Variants in SLC22A14 observed in about 807,000 individuals in gnomAD.
SLC22A14 encodes organic cation transporter-like 4.
SLC22A14 carries 50 observed loss-of-function variants against 53.9 expected under a neutral mutation model. That is an observed-to-expected ratio of 0.93 (90% confidence interval 0.74 to 1.17). The LOEUF is 1.17. Ranked by LOEUF, SLC22A14 falls within the 50% of genes most tolerant of loss-of-function variation. The pLI is 0.00. For synonymous variants in SLC22A14, 312 were observed against 303.0 expected (o/e 1.03, Z -0.31); for missense variants, 671 against 734.7 (o/e 0.91, Z 1.00).
chr3:38,313,143 G>A (rs1307138069), intron 6 of SLC22A14, 24 bp downstream of exon 6: 1 of 1,608,948 alleles, frequency 6.2e-7, no homozygotes, highest in Non-Finnish European at 8.5e-7. Flanking sequence ...GGCCAGGAGT[G>A]GGGCCGGAGC....
chr3:38,314,771 C>G (rs1194732576), intron 8 of SLC22A14, among the ~76,000 whole-genome samples: 1 of 151,766 alleles, frequency 6.6e-6, no homozygotes, highest in Non-Finnish European at 1.5e-5. Context: ...AATGTGGAAA[C>G]AAATTCATTA....
chr3:38,304,825 T>G lies in SLC22A14; in HGVS notation c.1-1202T>G, dbSNP rs961082590. ...GTTACATTTCCTGGATCTAAGAATTTGTTTTAAAAGTTTTAGAAAACGTAT... is the reference window on the plus strand; with the variant it reads ...GTTACATTTCCTGGATCTAAGAATTGGTTTTAAAAGTTTTAGAAAACGTAT... On this transcript the variant is annotated intron_variant, in intron 1 of 10. Coordinates refer to ENST00000448498, the MANE Select transcript of SLC22A14 (RefSeq NM_001320033.2). Among the ~76,000 whole-genome samples, 8 of 152,372 alleles carry G rather than the reference T, an allele frequency of 5.3e-5. No homozygotes were observed. The South Asian group carries it at 1.7e-3, about 32-fold the overall frequency.
In SLC22A14 at chr3:38,313,055, A is replaced by C. The variant is rs1704514888; in HGVS notation, c.1001A>C (p.Lys334Thr). 1.2e-6 allele frequency: 2 copies of C among 1,600,084 alleles called. No homozygotes were observed. Among genetic ancestry groups the C allele is most frequent in the African/African-American group, 1.3e-5 (1 of 74,978 alleles). ...LMMKGKVKEA[K>T]QVLCYAASVN... Reference sequence around the variant, plus strand: ...ATGAAAGGGAAGGTGAAGGAGGCCAAGCAGGTGCTGTGCTACGCCGCAAGT... The same window carrying C: ...ATGAAAGGGAAGGTGAAGGAGGCCACGCAGGTGCTGTGCTACGCCGCAAGT... Residue 334 changes from lysine (K) to threonine (T), a missense_variant, in exon 6 of 11, where the codon AAG becomes ACG. Physicochemically the swap from Lys to Thr is moderately conservative, Grantham distance 78. Transcript: ENST00000448498.
intron 5 of SLC22A14, among the ~76,000 whole-genome samples, chr3:38,310,983 T>A (rs539411755): frequency 5.3e-5 from 8 of 152,202 alleles, no homozygotes; most frequent in Non-Finnish European, 8.8e-5. Context: ...TCTCACTGTC[T>A]GGAATACCAG....
At position 38,313,427 on chromosome 3, in the gene SLC22A14, C is replaced by T; in HGVS notation, c.1105C>T (p.Leu369=). 6.2e-7 allele frequency: 1 copy of T among 1,613,982 alleles called. No individual in the cohort carries two copies. The highest frequency in any genetic ancestry group is 8.5e-7 in the Non-Finnish European group (1 of 1,179,862). Residue 369 remains leucine, a synonymous_variant, in exon 7 of 11, where the codon CTG becomes TTG. Coordinates refer to ENST00000448498, the MANE Select transcript of SLC22A14 (RefSeq NM_001320033.2). ...PRKKVTRASV[L]DFCKNRQLCK... ...AAAGAAGGTGACTCGGGCCTCTGTCCTGGACTTCTGTAAGAATAGGCAGCT... is the reference window on the plus strand; with the variant it reads ...AAAGAAGGTGACTCGGGCCTCTGTCTTGGACTTCTGTAAGAATAGGCAGCT...
chr3:38,310,645 A>G (rs818812), intron 5 of SLC22A14, among the ~76,000 whole-genome samples: 129,318 of 151,980 alleles, frequency 0.85, 55,113 homozygotes, highest in Non-Finnish European at 0.88. Context: ...CATCACTCTC[A>G]GGTCCATTCG....
chr3:38,293,955 T>C (rs893411404), intron 1 of SLC22A14, among the ~76,000 whole-genome samples: 2 of 152,212 alleles, frequency 1.3e-5, no homozygotes, highest in African/African-American at 4.8e-5. Flanking sequence ...ATCAAAGGAT[T>C]GTCCTAACCC....
chr3:38,309,368 T>C (rs192023750), intron 5 of SLC22A14, among the ~76,000 whole-genome samples: 82 of 151,016 alleles, frequency 5.4e-4, no homozygotes, highest in African/African-American at 1.8e-3. Flanking sequence ...GGAGGAAGAG[T>C]GTTGAAGGCC....
At position 38,290,357 on chromosome 3, in the gene SLC22A14, G is replaced by A. The variant is rs183005537; in HGVS notation, c.-1+8018G>A. On this transcript the variant is annotated intron_variant, in intron 1 of 10. Transcript: ENST00000448498. ...GGCTAGCAGGCCAGTCCAGGGGTCC[G>A]TGGTAGATCTTAGTCATGGACTGCA... 1.6e-3 allele frequency among the ~76,000 whole-genome samples: 241 copies of A among 152,338 alleles called. 2 individuals carry two copies. Among genetic ancestry groups the A allele is most frequent in the Non-Finnish European group, 3.0e-3 (203 of 68,042 alleles).
chr3:38,302,716 T>G (rs192609721), intron 1 of SLC22A14, among the ~76,000 whole-genome samples: 94 of 152,360 alleles, frequency 6.2e-4, no homozygotes, highest in African/African-American at 2.1e-3. Flanking sequence ...TAAATTTGAT[T>G]TACTAACATT....
chr3:38,318,080 T>C (rs1290783464), intron 10 of SLC22A14, 118 bp from the exon 11 acceptor site: 2 of 872,170 alleles, frequency 2.3e-6, no homozygotes, highest in Non-Finnish European at 1.9e-6. Flanking sequence ...CCTGCCGGAG[T>C]GAGAAAGCCT....
At chr3:38,284,914 C>T (rs1015876318) in intron 1 of SLC22A14, among the ~76,000 whole-genome samples, 25 of 151,998 alleles carry the variant, frequency 1.6e-4, no homozygotes, top group Non-Finnish European at 3.1e-4. Context: ...TTGCTCTTTC[C>T]GGAGGACATT....
chr3:38,283,084 C>T (rs77742696), intron 1 of SLC22A14, among the ~76,000 whole-genome samples: 5,609 of 152,182 alleles, frequency 0.037, 312 homozygotes, highest in African/African-American at 0.12. Flanking sequence ...TCTAGAGCCT[C>T]CTGCATTCCT....
In SLC22A14 at chr3:38,309,059, C is replaced by T; in HGVS notation, c.881C>T (p.Pro294Leu). 6.2e-7 allele frequency: 1 copy of T among 1,614,008 alleles called. No homozygotes were observed. The highest frequency in any genetic ancestry group is 8.5e-7 in the Non-Finnish European group (1 of 1,179,860). The change falls in exon 5 of 11, where the codon CCC becomes CTC. Residue 294 changes from proline to leucine, a missense_variant. Pro to Leu is a moderately conservative substitution (Grantham distance 98). Coordinates refer to ENST00000448498, the MANE Select transcript of SLC22A14 (RefSeq NM_001320033.2). ...CTGACAGGGATCGCCTACAGTCTTCCCCACTGGCAGCTGCTGTTTCTGGTG... is the reference window on the plus strand; with the variant it reads ...CTGACAGGGATCGCCTACAGTCTTCTCCACTGGCAGCTGCTGTTTCTGGTG... ...VLLTGIAYSLPHWQLLFLVGG... is the reference protein window; with the variant it reads ...VLLTGIAYSLLHWQLLFLVGG...
chr3:38,312,655 G>A (rs191407004), intron 5 of SLC22A14, among the ~76,000 whole-genome samples: 46 of 152,286 alleles, frequency 3.0e-4, no homozygotes, highest in East Asian at 2.3e-3. Context: ...CATGGAGGTC[G>A]GAGCCCTCAG....
chr3:38,316,669 C>T (rs1471870288), intron 10 of SLC22A14, 145 bp downstream of exon 10: 2 of 718,286 alleles, frequency 2.8e-6, no homozygotes, highest in Non-Finnish European at 4.6e-6. Flanking sequence ...AGCAGTCTCT[C>T]CGCTCCTCTG....
At position 38,307,162 on chromosome 3, in the gene SLC22A14, CCCCTTGGCCTATAGGT is replaced by C; in HGVS notation, c.517-88_517-73del. 1.2e-6 allele frequency: 1 copy of C among 860,058 alleles called. No homozygotes were observed. Among genetic ancestry groups the C allele is most frequent in the South Asian group, 1.3e-5 (1 of 75,544 alleles). 53.3% of individuals were successfully genotyped at this position (860,058 alleles called of 1,614,324 possible). A position where few individuals can be genotyped will look rare whatever the true frequency, so the allele number is the denominator to read the frequency against. On this transcript the variant is annotated intron_variant, in intron 2 of 10. Transcript: ENST00000448498. This position sits in a 1 kb window ranked among gnomAD's most constrained non-coding sequence, Gnocchi z 4.4. ...ACTGTTAACTGCCCCTACCCCAGGT[CCCCTTGGCCTATAGGT>C]CCCACGCTGGGATGAGTCTCAGTCT... is the stretch of plus-strand genomic sequence containing the variant.
intron 2 of SLC22A14, 81 bp downstream of exon 2, chr3:38,306,623 A>G: frequency 2.2e-6 from 3 of 1,370,062 alleles, no homozygotes; most frequent in Non-Finnish European, 1.0e-6. Flanking sequence ...GGGTGGGGAA[A>G]CCGAAGCTCA....
intron 8 of SLC22A14, 77 bp from the exon 9 acceptor site, chr3:38,315,481 G>T: frequency 6.9e-7 from 1 of 1,455,022 alleles, no homozygotes; most frequent in Non-Finnish European, 9.3e-7. Context: ...TGGGCAGGTG[G>T]TGGGGAAGGC....
Sources: gnomAD v4.1 joint callset for allele counts (sites outside exome capture counted in the v4.1 genomes callset) on GRCh38, gnomAD v4.1.1 for gene constraint, Gnocchi (gnomAD v3.1) non-coding constraint, MANE v1.5 for transcripts, NCBI Gene and HGNC (gene_info 2026-07-23, HGNC 2026-07-21) for gene names.